Variants in LRRFIP1 observed in about 807,000 individuals in gnomAD.
The protein encoded by LRRFIP1 is leucine-rich repeat flightless-interacting protein 1.
Under a neutral mutation model 104.4 loss-of-function variants are expected in LRRFIP1, and 62 were observed. The ratio of observed to expected loss-of-function variants is 0.59; its 90% confidence interval spans 0.48 to 0.73. The LOEUF (loss-of-function observed/expected upper bound fraction) is 0.73. Ranked by LOEUF, LRRFIP1 falls within the 30% of genes least tolerant of loss-of-function variation. The pLI, the probability that LRRFIP1 is intolerant of heterozygous loss-of-function variation, is 0.00. For missense variants in LRRFIP1, 796 were observed against 824.5 expected, an observed-to-expected ratio of 0.97 and a Z score of 0.42; for synonymous variants, 300 against 299.0, an observed-to-expected ratio of 1.00 and a Z score of -0.03.
chr2:237,770,183 A>AT, intron 20 of LRRFIP1, 191 bp downstream of exon 20: 1 of 579,230 alleles, frequency 1.7e-6, no homozygotes. Flanking sequence ...CAAAGAGAAC[A>AT]TCCTGAGTCA....
chr2:237,748,431 C>T (rs1236742509), intron 12 of LRRFIP1, 32 bp downstream of exon 12: 2 of 1,559,378 alleles, frequency 1.3e-6, no homozygotes. Flanking sequence ...TAGAGGGTCC[C>T]AAAAGTTGTG....
At chr2:237,657,064 G>A (rs2086938387) in intron 1 of LRRFIP1, among the ~76,000 whole-genome samples, 3 of 152,308 alleles carry the variant, frequency 2.0e-5, no homozygotes, top group Middle Eastern at 3.4e-3. Flanking sequence ...TTGCAGTGGT[G>A]GGAAAAGGCT....
At chr2:237,704,151 C>CTTTTTTTTTT (rs397946161) in intron 1 of LRRFIP1, among the ~76,000 whole-genome samples, 1 of 124,020 alleles carries the variant, frequency 8.1e-6, no homozygotes, top group African/African-American at 3.1e-5. Context: ...TGCAGATGTT[C>CTTTTTTTTTT]TTTTTTTTTT....
chr2:237,699,079 A>G (rs966410414), intron 1 of LRRFIP1, among the ~76,000 whole-genome samples: 2 of 152,202 alleles, frequency 1.3e-5, no homozygotes, highest in South Asian at 2.1e-4. Context: ...GCCTGGCGTC[A>G]CAGGGAGGCT....
rs1211007326 is a variant in LRRFIP1, at chr2:237,766,128, G to A, written c.1460-3815G>A. Among the ~76,000 whole-genome samples the A allele has an allele frequency of 1.3e-5, 2 of 152,182 alleles. No individual in the cohort carries two copies. Among genetic ancestry groups the A allele is most frequent in the Non-Finnish European group, 1.5e-5 (1 of 68,032 alleles). On this transcript the variant is annotated intron_variant, in intron 19 of 23. Coordinates refer to ENST00000308482, the MANE Select transcript of LRRFIP1 (RefSeq NM_001137550.2). The surrounding 1 kb of genome is among the most constrained non-coding windows in gnomAD (Gnocchi z 4.8). The stretch of plus-strand genomic sequence containing the variant: ...TGGGCATTACTGGGAGAACTGAGAC[G>A]ATTGTCACGCACCATCCCCTGTGAT...
intron 4 of LRRFIP1, among the ~76,000 whole-genome samples, chr2:237,718,374 A>C (rs1330246775): frequency 2.6e-5 from 4 of 151,238 alleles, no homozygotes; most frequent in African/African-American, 7.3e-5. Flanking sequence ...TGGTAAGAAA[A>C]CTCCTTTACC....
intron 1 of LRRFIP1, among the ~76,000 whole-genome samples, chr2:237,635,023 C>A (rs2082891386): frequency 6.6e-6 from 1 of 152,178 alleles, no homozygotes; most frequent in Non-Finnish European, 1.5e-5. Flanking sequence ...CTGAGAATTT[C>A]TTTTACCCCC....
chr2:237,768,905 G>A (rs1249767477), intron 19 of LRRFIP1: 1 of 152,238 alleles, frequency 6.6e-6, no homozygotes, highest in East Asian at 1.9e-4. Context: ...GTCCTAGTGA[G>A]CTAAGAGCTT....
chr2:237,732,029 C>T (rs1421433510), intron 8 of LRRFIP1, among the ~76,000 whole-genome samples: 1 of 152,164 alleles, frequency 6.6e-6, no homozygotes, highest in Admixed American at 6.5e-5. Context: ...ATTGATGACT[C>T]TTCCTAATAT....
At position 237,749,626 on chromosome 2, in the gene LRRFIP1, T is replaced by G. The variant is rs550665347; in HGVS notation, c.795+302T>G. On this transcript the variant is annotated intron_variant, in intron 13 of 23. Transcript: ENST00000308482. The stretch of plus-strand genomic sequence containing the variant: ...CACTTGGCACGTTGTGTTGATGCAC[T>G]TGGTCGTCTCTGTATGCTTGGTCTG... 1.1e-4 allele frequency among the ~76,000 whole-genome samples: 16 copies of G among 152,238 alleles called. No individual in the cohort carries two copies. The South Asian group carries it at 3.3e-3, about 32-fold the overall frequency.
intron 1 of LRRFIP1, among the ~76,000 whole-genome samples, chr2:237,669,948 T>C (rs529094097): frequency 1.1e-4 from 16 of 152,152 alleles, no homozygotes; most frequent in Non-Finnish European, 1.6e-4. Flanking sequence ...TGGCAAAAGA[T>C]TGGGGCCGTC....
At chr2:237,665,627 T>C (rs757480761) in intron 1 of LRRFIP1, among the ~76,000 whole-genome samples, 3 of 152,258 alleles carry the variant, frequency 2.0e-5, no homozygotes, top group Non-Finnish European at 4.4e-5. Flanking sequence ...TAAAATGTTA[T>C]TAATATGAAA....
intron 19 of LRRFIP1, chr2:237,762,529 GT>G (rs577094715): frequency 9.9e-6 from 12 of 1,207,354 alleles, no homozygotes; most frequent in Admixed American, 4.9e-5. Context: ...TTTGGAACGT[GT>G]GTTTACATTC....
At chr2:237,658,537 G>C (rs995592943) in intron 1 of LRRFIP1, among the ~76,000 whole-genome samples, 13 of 152,140 alleles carry the variant, frequency 8.5e-5, no homozygotes, top group Non-Finnish European at 1.5e-5. Flanking sequence ...CTACTGTAAA[G>C]AACTGCCCAA....
intron 21 of LRRFIP1, chr2:237,772,481 G>C: frequency 2.3e-6 from 1 of 434,624 alleles, no homozygotes; most frequent in Non-Finnish European, 4.1e-6. Context: ...GCAATCTTTC[G>C]ATCTGTTGAT....
At chr2:237,777,092 C>T (rs930621403) in intron 23 of LRRFIP1, among the ~76,000 whole-genome samples, 39 of 152,238 alleles carry the variant, frequency 2.6e-4, no homozygotes, top group African/African-American at 7.2e-4. Flanking sequence ...AATAGAAGGA[C>T]TTTTGAGCAC....
At chr2:237,641,754 A>T (rs7574571) in intron 1 of LRRFIP1, among the ~76,000 whole-genome samples, 5,838 of 152,280 alleles carry the variant, frequency 0.038, 375 homozygotes, top group African/African-American at 0.13. Context: ...TATGATTTTT[A>T]AAAATATGTT....
At chr2:237,667,097 G>T (rs1464678654) in intron 1 of LRRFIP1, among the ~76,000 whole-genome samples, 2 of 151,900 alleles carry the variant, frequency 1.3e-5, no homozygotes, top group Admixed American at 1.3e-4. Context: ...TGCCACGGTG[G>T]TTTGCTGCAC....
chr2:237,747,665 C>G (rs2058053459), intron 11 of LRRFIP1, among the ~76,000 whole-genome samples: 1 of 152,194 alleles, frequency 6.6e-6, no homozygotes, highest in Non-Finnish European at 1.5e-5. Context: ...AGTTGCCGCG[C>G]ATGTCTTTGG....
Sources: gnomAD v4.1 joint callset for allele counts (sites outside exome capture counted in the v4.1 genomes callset) on GRCh38, gnomAD v4.1.1 for gene constraint, Gnocchi (gnomAD v3.1) non-coding constraint, MANE v1.5 for transcripts, NCBI Gene and HGNC (gene_info 2026-07-23, HGNC 2026-07-21) for gene names.